The following UNC5C variants were observed in gnomAD, a reference collection of about 807,000 sequenced individuals.
UNC5C encodes netrin receptor UNC5C.
UNC5C carries 47 observed loss-of-function variants against 99.8 expected under a neutral mutation model. The ratio of observed to expected loss-of-function variants is 0.47; its 90% confidence interval spans 0.37 to 0.60. The LOEUF is 0.60. Ranked by LOEUF, UNC5C falls within the 20% of genes least tolerant of loss-of-function variation. The pLI, the probability that UNC5C is intolerant of heterozygous loss-of-function variation, is 0.00. For synonymous variants in UNC5C, 487 were observed against 452.2 expected (o/e 1.08, Z -0.98); for missense variants, 1,062 against 1,165.9 (o/e 0.91, Z 1.30).
intron 1 of UNC5C, among the ~76,000 whole-genome samples, chr4:95,473,735 A>G (rs2149475261): frequency 6.6e-6 from 1 of 152,208 alleles, no homozygotes; most frequent in African/African-American, 2.4e-5. Flanking sequence ...AAACATTAAG[A>G]TCTCCACTCC....
chr4:95,317,003 A>AT (rs1742501254), intron 2 of UNC5C, among the ~76,000 whole-genome samples: 1 of 151,630 alleles, frequency 6.6e-6, no homozygotes, highest in Non-Finnish European at 1.5e-5. Context: ...ATATGCCAAA[A>AT]TAAAAGAAAA....
intron 11 of UNC5C, 49 bp downstream of exon 11, chr4:95,206,579 T>G: frequency 6.2e-7 from 1 of 1,610,216 alleles, no homozygotes; most frequent in Non-Finnish European, 8.5e-7. Flanking sequence ...CTCCTGCTTA[T>G]CTGCATGGAT....
At position 95,168,976 on chromosome 4, in the gene UNC5C, C is replaced by T. The variant is rs1163128850; in HGVS notation, c.*258G>A. ...GATCCTGTACCACACAGCATACAGCCCAACTAAGAGGAAAATTAGGTTGAT... is the reference window on the plus strand; with the variant it reads ...GATCCTGTACCACACAGCATACAGCTCAACTAAGAGGAAAATTAGGTTGAT... On this transcript the variant is annotated 3_prime_UTR_variant, in exon 16 of 16. Transcript: ENST00000453304. 8.6e-6 allele frequency: 4 copies of T among 466,480 alleles called. No individual in the cohort carries two copies. Among genetic ancestry groups the T allele is most frequent in the Admixed American group, 3.5e-5 (1 of 28,826 alleles). 28.9% of individuals were successfully genotyped at this position (466,480 alleles called of 1,614,324 possible).
chr4:95,333,753 T>A (rs1743220345), intron 2 of UNC5C, among the ~76,000 whole-genome samples: 1 of 152,064 alleles, frequency 6.6e-6, no homozygotes, highest in Non-Finnish European at 1.5e-5. Context: ...TTTCTATTTA[T>A]AATCTTCCTA....
intron 1 of UNC5C, among the ~76,000 whole-genome samples, chr4:95,379,726 A>G (rs1745005580): frequency 6.6e-6 from 1 of 152,132 alleles, no homozygotes; most frequent in South Asian, 2.1e-4. Flanking sequence ...CACATGACTT[A>G]GTTTCACATG....
chr4:95,335,342 A>T (rs1327078347), intron 2 of UNC5C, 68 bp downstream of exon 2: 1 of 1,359,658 alleles, frequency 7.4e-7, no homozygotes. Context: ...AAATAACAGT[A>T]TGTCCACATG....
At chr4:95,531,039 C>T (rs17024140) in intron 1 of UNC5C, among the ~76,000 whole-genome samples, 14,451 of 152,134 alleles carry the variant, frequency 0.095, 1,740 homozygotes, top group African/African-American at 0.28. Flanking sequence ...GTTAAATCAT[C>T]CCTTTTCTGA....
In UNC5C at chr4:95,377,235, C is replaced by T. The variant is rs949473442; in HGVS notation, c.125-41604G>A. 4.6e-5 allele frequency among the ~76,000 whole-genome samples: 7 copies of T among 152,158 alleles called. 1 individual carries two copies. The highest frequency in any genetic ancestry group is 7.3e-5 in the Non-Finnish European group (5 of 68,034). ...CAATTTTCTGCTTTGTAATGAACTA[C>T]AGCCAATTACTTCCCATCAACACTG... On this transcript the variant is annotated intron_variant, in intron 1 of 15. Transcript: ENST00000453304.
intron 1 of UNC5C, among the ~76,000 whole-genome samples, chr4:95,482,750 A>T (rs1337259901): frequency 4.1e-5 from 5 of 122,878 alleles, no homozygotes; most frequent in Non-Finnish European, 8.6e-5. Context: ...TCAGTAAACT[A>T]TCGCAAGGAC....
chr4:95,474,973 A>G (rs1443617344), intron 1 of UNC5C, among the ~76,000 whole-genome samples: 1 of 152,024 alleles, frequency 6.6e-6, no homozygotes, highest in African/African-American at 2.4e-5. Context: ...AATAAATATC[A>G]ATTACCCTAT....
At chr4:95,282,043 G>A (rs181374915) in intron 3 of UNC5C, among the ~76,000 whole-genome samples, 121 of 152,286 alleles carry the variant, frequency 7.9e-4, no homozygotes, top group Non-Finnish European at 1.5e-3. Context: ...GCTTGGAAAA[G>A]AAGGCCTGGT....
intron 1 of UNC5C, among the ~76,000 whole-genome samples, chr4:95,508,437 C>T (rs1182210673): frequency 2.0e-5 from 3 of 151,930 alleles, no homozygotes; most frequent in Non-Finnish European, 2.9e-5. Flanking sequence ...ATCCCTTAAC[C>T]TGGCAATTAG....
At chr4:95,249,016 A>G (rs1429440235) in intron 5 of UNC5C, among the ~76,000 whole-genome samples, 6 of 151,720 alleles carry the variant, frequency 4.0e-5, no homozygotes. Context: ...TTTATCTTTG[A>G]TATCTTATTT....
chr4:95,268,388 A>T (rs1740532161), intron 4 of UNC5C, among the ~76,000 whole-genome samples: 1 of 152,216 alleles, frequency 6.6e-6, no homozygotes, highest in Non-Finnish European at 1.5e-5. Context: ...GTTGTTGTTA[A>T]AAAGGAAGGA....
intron 3 of UNC5C, among the ~76,000 whole-genome samples, chr4:95,280,657 C>G (rs528985666): frequency 3.3e-4 from 50 of 151,598 alleles, no homozygotes; most frequent in Non-Finnish European, 5.7e-4. Context: ...CCACTGTACT[C>G]CAGCCTGGGT....
intron 1 of UNC5C, among the ~76,000 whole-genome samples, chr4:95,370,978 T>A (rs1744730703): frequency 6.6e-6 from 1 of 152,204 alleles, no homozygotes; most frequent in African/African-American, 2.4e-5. Flanking sequence ...TCACAATACA[T>A]AGCAGGGTCC....
intron 2 of UNC5C, among the ~76,000 whole-genome samples, chr4:95,332,084 G>A (rs975606996): frequency 6.6e-6 from 1 of 152,142 alleles, no homozygotes; most frequent in East Asian, 1.9e-4. Context: ...TACAAACAAA[G>A]GGAACAACAT....
At chr4:95,521,657 T>C (rs1420119218) in intron 1 of UNC5C, among the ~76,000 whole-genome samples, 1 of 152,150 alleles carries the variant, frequency 6.6e-6, no homozygotes, top group African/African-American at 2.4e-5. Context: ...ATACACATTG[T>C]GGAGAGACAC....
At chr4:95,406,377 G>A (rs537923154) in intron 1 of UNC5C, among the ~76,000 whole-genome samples, 1 of 152,286 alleles carries the variant, frequency 6.6e-6, no homozygotes, top group Non-Finnish European at 1.5e-5. Context: ...TGGGCTTCCT[G>A]GAGATGGTGC....
Sources: gnomAD v4.1 joint callset for allele counts (sites outside exome capture counted in the v4.1 genomes callset) on GRCh38, gnomAD v4.1.1 for gene constraint, MANE v1.5 for transcripts, NCBI Gene and HGNC (gene_info 2026-07-23, HGNC 2026-07-21) for gene names.